Variants in FAM3C observed in about 807,000 individuals in gnomAD.
FAM3C encodes FAM3 metabolism regulating signaling molecule C, also known as protein FAM3C.
FAM3C carries 15 observed loss-of-function variants against 32.5 expected under a neutral mutation model. The ratio of observed to expected loss-of-function variants is 0.46; its 90% confidence interval spans 0.31 to 0.71. The LOEUF (loss-of-function observed/expected upper bound fraction) is 0.71. Ranked by LOEUF, FAM3C falls within the 30% of genes least tolerant of loss-of-function variation. The pLI is 0.05. For synonymous variants in FAM3C, 75 were observed against 86.1 expected, an observed-to-expected ratio of 0.87 and a Z score of 0.72; for missense variants, 175 against 274.4, an observed-to-expected ratio of 0.64 and a Z score of 2.56.
In FAM3C at chr7:121,354,925, T is replaced by C. The variant is rs1014975763; in HGVS notation, c.468-3656A>G. On this transcript the variant is annotated intron_variant, in intron 8 of 9. Transcript: ENST00000359943. ...GTGCTATCATAGGGATGTTTTATGA[T>C]GGACTCAAACTTAAGAAAGGAAGTG... is the stretch of plus-strand genomic sequence containing the variant. Among the ~76,000 whole-genome samples, 4 of 152,204 alleles carry C rather than the reference T, an allele frequency of 2.6e-5. No homozygotes were observed. In the East Asian group the frequency reaches 5.8e-4, roughly 22 times the overall value.
intron 3 of FAM3C, among the ~76,000 whole-genome samples, chr7:121,378,492 G>A (rs1230594779): frequency 1.3e-5 from 2 of 152,082 alleles, no homozygotes; most frequent in African/African-American, 2.4e-5. Flanking sequence ...GCTGCAAGAC[G>A]GATTTCTATG....
chr7:121,354,961 C>T (rs1233293465), intron 8 of FAM3C, among the ~76,000 whole-genome samples: 1 of 152,082 alleles, frequency 6.6e-6, no homozygotes, highest in Non-Finnish European at 1.5e-5. Flanking sequence ...TGCAAAAATA[C>T]AAAGCAAACC....
intron 1 of FAM3C, among the ~76,000 whole-genome samples, chr7:121,389,170 A>C (rs1309992001): frequency 1.3e-5 from 2 of 152,088 alleles, no homozygotes; most frequent in African/African-American, 4.8e-5. Flanking sequence ...CAAGCCTGAC[A>C]GGCCATACAC....
At chr7:121,353,489 T>C (rs1209837432) in intron 8 of FAM3C, among the ~76,000 whole-genome samples, 1 of 152,252 alleles carries the variant, frequency 6.6e-6, no homozygotes, top group Non-Finnish European at 1.5e-5. Context: ...TAGAAAGGCC[T>C]ACTAGCAAGA....
intron 6 of FAM3C, among the ~76,000 whole-genome samples, chr7:121,363,715 G>C (rs1793970417): frequency 6.6e-6 from 1 of 152,066 alleles, no homozygotes; most frequent in Non-Finnish European, 1.5e-5. Flanking sequence ...TACTAATTAA[G>C]CTATCAGAAG....
intron 5 of FAM3C, among the ~76,000 whole-genome samples, chr7:121,368,384 T>G (rs1013834927): frequency 1.3e-5 from 2 of 152,192 alleles, no homozygotes; most frequent in African/African-American, 2.4e-5. Context: ...TTACATGTAC[T>G]CAGAGCAGGT....
intron 9 of FAM3C, among the ~76,000 whole-genome samples, chr7:121,350,800 A>C (rs1399282630): frequency 6.6e-6 from 1 of 152,210 alleles, no homozygotes; most frequent in Non-Finnish European, 1.5e-5. Flanking sequence ...ACTAACATTT[A>C]CATTCTACTA....
At chr7:121,360,359 T>C (rs1793895014) in intron 7 of FAM3C, among the ~76,000 whole-genome samples, 1 of 152,174 alleles carries the variant, frequency 6.6e-6, no homozygotes, top group Non-Finnish European at 1.5e-5. Context: ...TCCTGTGTCT[T>C]TCGTATTGAT....
intron 5 of FAM3C, among the ~76,000 whole-genome samples, chr7:121,367,331 C>G (rs1481018524): frequency 6.6e-6 from 1 of 152,160 alleles, no homozygotes; most frequent in Non-Finnish European, 1.5e-5. Context: ...TAGTTTAAAG[C>G]AGGGCTTGGC....
At chr7:121,395,108 G>C (rs1033385470) in intron 1 of FAM3C, among the ~76,000 whole-genome samples, 13 of 152,086 alleles carry the variant, frequency 8.5e-5, no homozygotes, top group African/African-American at 3.1e-4. Context: ...CCATTTGGCA[G>C]TGCCTAGTAC....
intron 1 of FAM3C, among the ~76,000 whole-genome samples, chr7:121,388,148 A>T (rs1794500172): frequency 6.6e-6 from 1 of 152,056 alleles, no homozygotes; most frequent in South Asian, 2.1e-4. Flanking sequence ...TGAAAGAAAA[A>T]TCTAGTTACT....
intron 3 of FAM3C, among the ~76,000 whole-genome samples, chr7:121,373,652 C>T (rs1794188116): frequency 2.0e-5 from 3 of 152,114 alleles, no homozygotes; most frequent in African/African-American, 4.8e-5. Flanking sequence ...TTAATAATGT[C>T]TCAAGTAATT....
chr7:121,395,414 T>C (rs1329709773), intron 1 of FAM3C, among the ~76,000 whole-genome samples: 1 of 151,172 alleles, frequency 6.6e-6, no homozygotes, highest in Non-Finnish European at 1.5e-5. Flanking sequence ...AAAGGAAAAG[T>C]CCTATCAATT....
At chr7:121,387,512 TC>T (rs917378155) in intron 1 of FAM3C, among the ~76,000 whole-genome samples, 6 of 152,052 alleles carry the variant, frequency 3.9e-5, no homozygotes, top group African/African-American at 1.2e-4. Context: ...TAATCTGCTC[TC>T]CACAGAAAGA....
chr7:121,377,211 T>C (rs1794255969), intron 3 of FAM3C, among the ~76,000 whole-genome samples: 1 of 152,094 alleles, frequency 6.6e-6, no homozygotes. Flanking sequence ...AATAACATGT[T>C]TGCTACCCTT....
At chr7:121,382,769 T>A (rs1037054669) in intron 2 of FAM3C, among the ~76,000 whole-genome samples, 188 bp downstream of exon 2, 4 of 151,652 alleles carry the variant, frequency 2.6e-5, no homozygotes, top group Non-Finnish European at 4.4e-5. Context: ...AAAAAAAAAA[T>A]TTATGTGATA....
At chr7:121,353,949 A>C (rs922577159) in intron 8 of FAM3C, among the ~76,000 whole-genome samples, 1 of 152,208 alleles carries the variant, frequency 6.6e-6, no homozygotes, top group African/African-American at 2.4e-5. Flanking sequence ...GGGGACGTCT[A>C]ACACATAGCC....
At position 121,378,995 on chromosome 7, in the gene FAM3C, T is replaced by C. The variant is rs1378783703; in HGVS notation, c.33A>G (p.Val11=). 6.4e-7 allele frequency: 1 copy of C among 1,571,778 alleles called. No homozygotes were observed. Among genetic ancestry groups the C allele is most frequent in the Non-Finnish European group, 8.6e-7 (1 of 1,162,244 alleles). Reference sequence around the variant, plus strand: ...ATGTCAGTAAAAACACTGCCACAGCTACCACCAACTTTGCAGCACCTAAAA... The same window carrying C: ...ATGTCAGTAAAAACACTGCCACAGCCACCACCAACTTTGCAGCACCTAAAA... MRVAGAAKLV[V]AVAVFLLTFY... is the part of the protein sequence containing the mutation. Residue 11 remains valine, a synonymous_variant, in exon 3 of 10, where the codon GTA becomes GTG. Transcript: ENST00000359943.
At chr7:121,379,356 T>C (rs1290093441) in intron 2 of FAM3C, among the ~76,000 whole-genome samples, 1 of 152,048 alleles carries the variant, frequency 6.6e-6, no homozygotes, top group Non-Finnish European at 1.5e-5. Context: ...GCAGATTCCT[T>C]ATCCTTCATA....
Sources: allele counts gnomAD v4.1 joint callset (sites outside exome capture counted in the v4.1 genomes callset), GRCh38; gene constraint gnomAD v4.1.1; transcripts MANE v1.5; gene names NCBI Gene and HGNC (gene_info 2026-07-23, HGNC 2026-07-21).